Variants in ESYT2 observed in about 807,000 individuals in gnomAD.
ESYT2 encodes the protein extended synaptotagmin-2.
ESYT2 carries 54 observed loss-of-function variants against 107.2 expected under a neutral mutation model. That is an observed-to-expected ratio of 0.50 (90% CI 0.40 to 0.63). The LOEUF (loss-of-function observed/expected upper bound fraction) is 0.63. Among genes scored for constraint, ESYT2 ranks in the 30% least tolerant of loss-of-function variants. The pLI is 0.00. For synonymous variants in ESYT2, 491 were observed against 434.1 expected, an observed-to-expected ratio of 1.13 and a Z score of -1.63; for missense variants, 1,020 against 1,094.5, an observed-to-expected ratio of 0.93 and a Z score of 0.96.
chr7:158,732,732 G>C lies in ESYT2; in HGVS notation c.*1475C>G, dbSNP rs893443834. On this transcript the variant is annotated 3_prime_UTR_variant, in exon 23 of 23. Transcript: ENST00000275418. ...GTTTGGTCATGTGAGTTACCCACAA[G>C]TTGTATAGTTCCATGAAACAAGCTA... 2 of 152,642 alleles carry C rather than the reference G, an allele frequency of 1.3e-5. No individual in the cohort carries two copies. Among genetic ancestry groups the C allele is most frequent in the African/African-American group, 4.8e-5 (2 of 41,454 alleles). The allele number at this position is 152,642 out of a possible 1,614,324, so 9.5% of individuals were successfully genotyped here.
chr7:158,815,453 CCT>C (rs1840124710), intron 1 of ESYT2, among the ~76,000 whole-genome samples: 3 of 148,088 alleles, frequency 2.0e-5, no homozygotes, highest in African/African-American at 7.5e-5. Context: ...AAGCTATTCC[CCT>C]GACATTCAGG....
chr7:158,810,833 A>G (rs1327870672), intron 1 of ESYT2, among the ~76,000 whole-genome samples: 1 of 152,098 alleles, frequency 6.6e-6, no homozygotes, highest in Non-Finnish European at 1.5e-5. Context: ...GGGTCTGAGG[A>G]TTGAGGGCTG....
At position 158,797,798 on chromosome 7, in the gene ESYT2, G is replaced by A. The variant is rs1225697552; in HGVS notation, c.507+144C>T. On this transcript the variant is annotated intron_variant, in intron 3 of 22. Coordinates refer to ENST00000275418, the MANE Select transcript of ESYT2 (RefSeq NM_001367773.1). ...GAACCTGGGAGGCAGAGTTTGCAGT[G>A]AGCCAAGATAGTGCCACTGCACTCC... 9 of 1,100,914 alleles carry A rather than the reference G, an allele frequency of 8.2e-6. No homozygotes were observed. The Admixed American group carries it at 8.5e-5, about 10-fold the overall frequency. The allele number at this position is 1,100,914 out of a possible 1,614,324, so 68.2% of individuals were successfully genotyped here.
intron 3 of ESYT2, among the ~76,000 whole-genome samples, chr7:158,795,447 T>G (rs926228190): frequency 6.6e-6 from 1 of 152,226 alleles, no homozygotes; most frequent in African/African-American, 2.4e-5. Context: ...AACACGAACA[T>G]GCTGTAACTT....
Position 158,741,966 on chromosome 7 carries a change from G to C in ESYT2, c.1795-70C>G, listed in dbSNP as rs537179708. The C allele has an allele frequency of 6.4e-5, 93 of 1,458,722 alleles. No individual in the cohort carries two copies. The East Asian group carries it at 2.1e-3, about 33-fold the overall frequency. 90.4% of individuals were successfully genotyped at this position (1,458,722 alleles called of 1,614,324 possible). ...TAACATCCTAATACTGGAACAGCCT[G>C]GGATGTCTTTACCTGCAAAAATTTC... On this transcript the variant is annotated intron_variant, in intron 17 of 22. Transcript: ENST00000275418.
intron 7 of ESYT2, among the ~76,000 whole-genome samples, chr7:158,771,663 C>T (rs1452207739): frequency 1.3e-5 from 2 of 152,168 alleles, no homozygotes; most frequent in Non-Finnish European, 2.9e-5. Context: ...CTTATGGTGC[C>T]CAACACCGGC....
chr7:158,795,282 T>C (rs905105916), intron 3 of ESYT2, among the ~76,000 whole-genome samples: 6 of 152,252 alleles, frequency 3.9e-5, no homozygotes, highest in African/African-American at 1.4e-4. Flanking sequence ...CAAAGCTATC[T>C]TTATTGAATC....
At chr7:158,823,591 G>A (rs929414849) in intron 1 of ESYT2, among the ~76,000 whole-genome samples, 1 of 152,046 alleles carries the variant, frequency 6.6e-6, no homozygotes, top group African/African-American at 2.4e-5. Context: ...CTCCCAAAGA[G>A]CAGAGATTAC....
intron 16 of ESYT2, 135 bp from the exon 17 acceptor site, chr7:158,743,813 G>T: frequency 2.0e-6 from 2 of 985,190 alleles, no homozygotes; most frequent in Non-Finnish European, 2.8e-6. Flanking sequence ...AGGTGGGGTG[G>T]CTCACGCCTG....
At chr7:158,781,163 T>C (rs1189526790) in intron 6 of ESYT2, among the ~76,000 whole-genome samples, 1 of 151,308 alleles carries the variant, frequency 6.6e-6, no homozygotes, top group Non-Finnish European at 1.5e-5. Flanking sequence ...CAGTGTGAGG[T>C]GTGAGGAGTG....
chr7:158,739,386 G>C (rs1428136052), intron 18 of ESYT2, among the ~76,000 whole-genome samples: 1 of 152,132 alleles, frequency 6.6e-6, no homozygotes, highest in Non-Finnish European at 1.5e-5. Flanking sequence ...CACTCTTGTT[G>C]CCTAGGCTGG....
At chr7:158,821,384 C>CCAA (rs1840281076) in intron 1 of ESYT2, among the ~76,000 whole-genome samples, 1 of 152,146 alleles carries the variant, frequency 6.6e-6, no homozygotes, top group African/African-American at 2.4e-5. Flanking sequence ...AGTACAGGGC[C>CCAA]CAACAATCCA....
At chr7:158,823,457 G>C (rs1840348225) in intron 1 of ESYT2, among the ~76,000 whole-genome samples, 1 of 150,566 alleles carries the variant, frequency 6.6e-6, no homozygotes, top group Admixed American at 6.6e-5. Flanking sequence ...CTCCCGAGTA[G>C]CTGGGACTAC....
chr7:158,757,754 G>GTTTTTTTTTT (rs67853250), intron 13 of ESYT2, among the ~76,000 whole-genome samples: 3 of 76,418 alleles, frequency 3.9e-5, no homozygotes, highest in African/African-American at 1.0e-4. Flanking sequence ...GTCTCTCTGG[G>GTTTTTTTTTT]TTTTTTTTTT....
chr7:158,821,654 A>G (rs544299879), intron 1 of ESYT2, among the ~76,000 whole-genome samples: 1 of 152,174 alleles, frequency 6.6e-6, no homozygotes, highest in South Asian at 2.1e-4. Flanking sequence ...GGTCATGGGG[A>G]CCTGGGCTGG....
intron 1 of ESYT2, among the ~76,000 whole-genome samples, chr7:158,809,474 CAAAAAA>C (rs67422901): frequency 1.4e-4 from 7 of 49,742 alleles, no homozygotes; most frequent in South Asian, 2.6e-3. Flanking sequence ...GAATCCATCT[CAAAAAA>C]AAAAAAAAAA....
intron 7 of ESYT2, among the ~76,000 whole-genome samples, chr7:158,771,750 A>G (rs1187497882): frequency 3.9e-5 from 6 of 152,212 alleles, no homozygotes; most frequent in Non-Finnish European, 8.8e-5. Flanking sequence ...TGTCCCATGC[A>G]CGAGCGGCTG....
rs78077865 is a variant in ESYT2 at position 158,814,427 on chromosome 7, T to G, written c.330+14662A>C. Among the ~76,000 whole-genome samples the G allele has an allele frequency of 2.8e-3, 430 of 151,092 alleles. 3 individuals are homozygous for G. Among genetic ancestry groups the G allele is most frequent in the Non-Finnish European group, 5.3e-3 (357 of 67,930 alleles). ...AATATATGTTACTCGTCCCGATTAC[T>G]CTCACAGATCAAAAACGTTTTAAAA... On this transcript the variant is annotated intron_variant, in intron 1 of 22. Coordinates refer to ENST00000275418, the MANE Select transcript of ESYT2 (RefSeq NM_001367773.1).
chr7:158,816,675 A>G (rs1426312959), intron 1 of ESYT2, among the ~76,000 whole-genome samples: 4 of 152,154 alleles, frequency 2.6e-5, no homozygotes, highest in Non-Finnish European at 4.4e-5. Flanking sequence ...TGCACCAACC[A>G]TGTCATCCTT....
Sources: gnomAD v4.1 joint callset for allele counts (sites outside exome capture counted in the v4.1 genomes callset) on GRCh38, gnomAD v4.1.1 for gene constraint, MANE v1.5 for transcripts, NCBI Gene and HGNC (gene_info 2026-07-23, HGNC 2026-07-21) for gene names.